Variants in SESTD1 observed in about 807,000 individuals in gnomAD.
The protein encoded by SESTD1 is SEC14 and spectrin domain containing 1.
In SESTD1, 43 loss-of-function variants were observed where a neutral mutation model predicts 101.7. The observed-to-expected ratio is 0.42, with a 90% CI of 0.33 to 0.55. The LOEUF (loss-of-function observed/expected upper bound fraction) is 0.55. Ranked by LOEUF, SESTD1 falls within the 20% of genes least tolerant of loss-of-function variation. The pLI is 0.07. For missense variants in SESTD1, 647 were observed against 815.1 expected (o/e 0.79, Z 2.51); for synonymous variants, 283 against 286.8 (o/e 0.99, Z 0.13).
intron 15 of SESTD1, among the ~76,000 whole-genome samples, chr2:179,116,077 C>G (rs2044624826): frequency 6.6e-6 from 1 of 152,056 alleles, no homozygotes; most frequent in South Asian, 2.1e-4. Context: ...AGTTTAAGAC[C>G]AGCCTGGCCA....
At chr2:179,256,632 G>A (rs1445258361) in intron 1 of SESTD1, among the ~76,000 whole-genome samples, 1 of 152,054 alleles carries the variant, frequency 6.6e-6, no homozygotes, top group African/African-American at 2.4e-5. Context: ...CTAACACGGT[G>A]AAACCCCATC....
chr2:179,125,093 A>T (rs1445635855), intron 10 of SESTD1, among the ~76,000 whole-genome samples: 1 of 151,100 alleles, frequency 6.6e-6, no homozygotes, highest in African/African-American at 2.4e-5. Context: ...CAGTTCCTTG[A>T]CTCCCTCCCT....
In SESTD1 at chr2:179,215,207, T is replaced by G. The variant is rs527919454; in HGVS notation, c.-25-23341A>C. Among the ~76,000 whole-genome samples, 10 of 134,658 alleles carry G rather than the reference T, an allele frequency of 7.4e-5. 4 individuals are homozygous for G. The highest frequency in any genetic ancestry group is 2.9e-4 in the African/African-American group (10 of 34,036). The allele number at this position is 134,658 out of a possible 152,430, so 88.3% of individuals were successfully genotyped here. A position where few individuals can be genotyped will look rare whatever the true frequency, so the allele number is the denominator to read the frequency against. On this transcript the variant is annotated intron_variant, in intron 1 of 17. Transcript: ENST00000428443. ...AAAATCAATGAATGCAGGAGCTGGTTTTTTGAAAAGATCAACAAAATTGAT... is the reference window on the plus strand; with the variant it reads ...AAAATCAATGAATGCAGGAGCTGGTGTTTTGAAAAGATCAACAAAATTGAT...
Position 179,116,653 on chromosome 2 carries a change from T to G in SESTD1, c.1647+15A>C. On this transcript the variant is annotated intron_variant, in intron 15 of 17. Transcript: ENST00000428443. ...ACACTGAGCTTGTGGAAAAGGAAGA[T>G]AACCAGTTTTGCACCTGTGCAACAT... 6.2e-7 allele frequency: 1 copy of G among 1,614,076 alleles called. No individual in the cohort carries two copies.
intron 1 of SESTD1, among the ~76,000 whole-genome samples, chr2:179,256,999 T>A (rs997535696): frequency 3.9e-5 from 6 of 152,194 alleles, no homozygotes; most frequent in African/African-American, 1.4e-4. Flanking sequence ...GAGGACTGAC[T>A]CAAATTGTGA....
intron 1 of SESTD1, among the ~76,000 whole-genome samples, chr2:179,241,789 G>A (rs549305991): frequency 6.6e-5 from 10 of 152,090 alleles, no homozygotes; most frequent in Non-Finnish European, 1.3e-4. Context: ...AGGCATGGTG[G>A]CGGGTACCTG....
Position 179,172,352 on chromosome 2 carries a change from A to C in SESTD1, c.256-119T>G, listed in dbSNP as rs2045942050. 2.7e-5 allele frequency: 15 copies of C among 545,510 alleles called. No homozygotes were observed. The East Asian group carries it at 4.7e-4, about 17-fold the overall frequency. The allele number at this position is 545,510 out of a possible 1,614,324, so 33.8% of individuals were successfully genotyped here. A position where few individuals can be genotyped will look rare whatever the true frequency, so the allele number is the denominator to read the frequency against. ...TAAGAGATTTTTGGAGAAGAATTAAAATAATAAAGAAGAAATTCTCTAGAC... is the reference window on the plus strand; with the variant it reads ...TAAGAGATTTTTGGAGAAGAATTAACATAATAAAGAAGAAATTCTCTAGAC... On this transcript the variant is annotated intron_variant, in intron 4 of 17. Transcript: ENST00000428443.
chr2:179,259,333 G>A (rs182991221), intron 1 of SESTD1, among the ~76,000 whole-genome samples: 3 of 152,230 alleles, frequency 2.0e-5, no homozygotes, highest in East Asian at 3.9e-4. Context: ...CCGGGTTCAA[G>A]CAATTCTCTG....
chr2:179,167,843 A>G (rs1370326923), intron 5 of SESTD1, among the ~76,000 whole-genome samples: 1 of 152,078 alleles, frequency 6.6e-6, no homozygotes, highest in South Asian at 2.1e-4. Flanking sequence ...GCTCACTGCA[A>G]CCTGGGCCTC....
chr2:179,228,230 TCTGTGC>T (rs1214840649), intron 1 of SESTD1, among the ~76,000 whole-genome samples: 17 of 152,156 alleles, frequency 1.1e-4, no homozygotes, highest in Admixed American at 6.6e-4. Flanking sequence ...TGTGTCTGTG[TCTGTGC>T]ACGCATGTGT....
In SESTD1 at chr2:179,261,739, G is replaced by C. The variant is rs146835376; in HGVS notation, c.-26+2760C>G. Among the ~76,000 whole-genome samples, 307 of 151,924 alleles carry C rather than the reference G, an allele frequency of 2.0e-3. 1 individual carries two copies. Among genetic ancestry groups the C allele is most frequent in the African/African-American group, 6.9e-3 (285 of 41,438 alleles). On this transcript the variant is annotated intron_variant, in intron 1 of 17. Coordinates refer to ENST00000428443, the MANE Select transcript of SESTD1 (RefSeq NM_178123.5). ...GTAACCCTTCTAGCAATGTAGAAGG[G>C]TTACCCTAGAAAATGGAACCCTACA...
intron 1 of SESTD1, among the ~76,000 whole-genome samples, chr2:179,257,472 A>C (rs1383756034): frequency 1.3e-5 from 2 of 152,260 alleles, no homozygotes; most frequent in African/African-American, 2.4e-5. Flanking sequence ...CATAACTTTT[A>C]TATGCACTGA....
chr2:179,124,699 G>C (rs953125304), intron 10 of SESTD1, 141 bp from the exon 11 acceptor site: 8 of 679,044 alleles, frequency 1.2e-5, no homozygotes, highest in Middle Eastern at 4.1e-4. Context: ...AGGGTGGAAA[G>C]TTCCTAATCC....
At position 179,201,236 on chromosome 2, in the gene SESTD1, C is replaced by T. The variant is rs1351587601; in HGVS notation, c.-25-9370G>A. 3.0e-5 allele frequency among the ~76,000 whole-genome samples: 4 copies of T among 133,294 alleles called. 1 individual carries two copies. The highest frequency in any genetic ancestry group is 1.2e-4 in the African/African-American group (4 of 32,960). The allele number at this position is 133,294 out of a possible 152,430, so 87.4% of individuals were successfully genotyped here. On this transcript the variant is annotated intron_variant, in intron 1 of 17. Transcript: ENST00000428443. ...AACCACAATGAGATACCATCTCACA[C>T]CAGTCAGAATGGCAATCATTAAAAA... is the stretch of plus-strand genomic sequence containing the variant.
intron 1 of SESTD1, among the ~76,000 whole-genome samples, chr2:179,236,160 T>TTAAGATG (rs112647545): frequency 1.3e-5 from 2 of 151,380 alleles, no homozygotes; most frequent in African/African-American, 4.9e-5. Context: ...GTTGAATTAC[T>TTAAGATG]TAATATGAAC....
At chr2:179,153,553 T>C (rs1168970043) in intron 5 of SESTD1, among the ~76,000 whole-genome samples, 1 of 152,196 alleles carries the variant, frequency 6.6e-6, no homozygotes, top group Admixed American at 6.5e-5. Context: ...TTGTGTCCAA[T>C]GGAAGGTTTA....
At position 179,216,663 on chromosome 2, in the gene SESTD1, C is replaced by T. The variant is rs1245788488; in HGVS notation, c.-25-24797G>A. 3.7e-5 allele frequency among the ~76,000 whole-genome samples: 5 copies of T among 135,046 alleles called. 1 individual carries two copies. The highest frequency in any genetic ancestry group is 5.9e-5 in the African/African-American group (2 of 34,074). The allele number at this position is 135,046 out of a possible 152,430, so 88.6% of individuals were successfully genotyped here. A position where few individuals can be genotyped will look rare whatever the true frequency, so the allele number is the denominator to read the frequency against. On this transcript the variant is annotated intron_variant, in intron 1 of 17. Transcript: ENST00000428443. ...GTTCATATGCAACCAAAAAAGGAGT[C>T]CACATTGCCAAGACAATCCTACGCA...
At chr2:179,137,454 T>C (rs901746833) in intron 9 of SESTD1, among the ~76,000 whole-genome samples, 36 of 152,344 alleles carry the variant, frequency 2.4e-4, no homozygotes, top group African/African-American at 6.3e-4. Flanking sequence ...GTATTCTATT[T>C]GGCATCTATG....
rs2044740141 is a variant in SESTD1, at chr2:179,121,113, T to C, written c.1442+657A>G. Among the ~76,000 whole-genome samples, 2 of 152,188 alleles carry C rather than the reference T, an allele frequency of 1.3e-5. 1 individual carries two copies. The highest frequency in any genetic ancestry group is 1.3e-4 in the Admixed American group (2 of 15,284). ...ATTTCTGCCTCATGACTGTTTTCTC[T>C]GTGATGCAGAAGGAAGCTTTCTGTG... On this transcript the variant is annotated intron_variant, in intron 13 of 17. Transcript: ENST00000428443.
Sources: allele counts gnomAD v4.1 joint callset (sites outside exome capture counted in the v4.1 genomes callset), GRCh38; gene constraint gnomAD v4.1.1; transcripts MANE v1.5; gene names NCBI Gene and HGNC (gene_info 2026-07-23, HGNC 2026-07-21).